The following ZNF362 variants were observed in gnomAD, a reference collection of about 807,000 sequenced individuals.
The protein encoded by ZNF362 is zinc finger protein 362, also known as rotund homolog.
ZNF362 carries 11 observed loss-of-function variants against 42.9 expected under a neutral mutation model. The ratio of observed to expected loss-of-function variants is 0.26; its 90% CI spans 0.16 to 0.42. The LOEUF (loss-of-function observed/expected upper bound fraction) is 0.42. Among genes scored for constraint, ZNF362 ranks in the 20% least tolerant of loss-of-function variants. ZNF362 has a pLI of 1.00. For synonymous variants in ZNF362, 255 were observed against 257.3 expected (o/e 0.99, Z 0.09); for missense variants, 362 against 576.2 (o/e 0.63, Z 3.81).
intron 1 of ZNF362, chr1:33,261,776 G>C (rs557285310): frequency 6.6e-6 from 1 of 152,324 alleles, no homozygotes; most frequent in Non-Finnish European, 1.5e-5. Flanking sequence ...CATTCTACCC[G>C]TTGGGGAAAC....
chr1:33,230,100 G>GA, the ZNF362 span, among the ~76,000 whole-genome samples: 1 of 151,664 alleles, frequency 6.6e-6, no homozygotes, highest in African/African-American at 2.4e-5. Flanking sequence ...GCCCTATTTT[G>GA]AAAAAAACCT....
At chr1:33,275,472 A>G in intron 2 of ZNF362, 1 of 804,562 alleles carries the variant, frequency 1.2e-6, no homozygotes, top group Non-Finnish European at 1.5e-6. Context: ...GACATTGAAC[A>G]ACCACACGTG....
chr1:33,266,817 G>A lies in ZNF362; in HGVS notation c.-88-3670G>A, dbSNP rs1645868055. Among the ~76,000 whole-genome samples, 1 of 152,188 alleles carries A rather than the reference G, an allele frequency of 6.6e-6. No individual in the cohort carries two copies. The highest frequency in any genetic ancestry group is 6.5e-5 in the Admixed American group (1 of 15,278). ...CCTTGTTCTGGGGGCCCTGATGCTG[G>A]AGGGATGCTGCCAAGGAGCACACCT... On this transcript the variant is annotated intron_variant, in intron 1 of 8. Coordinates refer to ENST00000539719, the MANE Select transcript of ZNF362 (RefSeq NM_152493.3). This position sits in a 1 kb window ranked among gnomAD's most constrained non-coding sequence, Gnocchi z 4.3.
the ZNF362 span, among the ~76,000 whole-genome samples, chr1:33,193,610 G>A: frequency 6.6e-6 from 1 of 152,184 alleles, no homozygotes; most frequent in Non-Finnish European, 1.5e-5. Context: ...GTTTATTGAG[G>A]GGTAATGCCT....
chr1:33,174,976 T>C, the ZNF362 span, among the ~76,000 whole-genome samples: 2 of 140,234 alleles, frequency 1.4e-5, no homozygotes, highest in African/African-American at 2.7e-5. Context: ...TATACACACA[T>C]ATACATATAT....
At chr1:33,189,701 A>G in the ZNF362 span, among the ~76,000 whole-genome samples, 1 of 3,060 alleles carries the variant, frequency 3.3e-4, no homozygotes, top group African/African-American at 5.9e-4. Context: ...ATATATACAC[A>G]TATATACGTA....
upstream of ZNF362, among the ~76,000 whole-genome samples, chr1:33,256,161 T>C (rs112541840): frequency 6.8e-6 from 1 of 147,286 alleles, no homozygotes; most frequent in African/African-American, 2.5e-5. Flanking sequence ...CAGCGCAACT[T>C]TGCCAGGCGG....
chr1:33,157,095 G>A, the ZNF362 span, among the ~76,000 whole-genome samples: 6 of 151,752 alleles, frequency 4.0e-5, no homozygotes, highest in South Asian at 6.3e-4. Context: ...ACCAGTTCAC[G>A]TCACTTCATG....
chr1:33,181,776 G>A, the ZNF362 span: 1 of 220,650 alleles, frequency 4.5e-6, no homozygotes, highest in Non-Finnish European at 8.9e-6. The surrounding 1 kb of genome is among the most constrained non-coding windows in gnomAD (Gnocchi z 6.5). Flanking sequence ...GGAGCTGGGA[G>A]AAGGGGATCC....
the ZNF362 span, among the ~76,000 whole-genome samples, chr1:33,242,955 A>G: frequency 6.6e-6 from 1 of 152,108 alleles, no homozygotes; most frequent in African/African-American, 2.4e-5. Flanking sequence ...AGGAACCTGG[A>G]TTGTGTCTGA....
intron 6 of ZNF362, among the ~76,000 whole-genome samples, chr1:33,290,386 C>T (rs1458792833): frequency 6.6e-6 from 1 of 151,860 alleles, no homozygotes; most frequent in Non-Finnish European, 1.5e-5. Flanking sequence ...CTACAAAGGA[C>T]ATGAACTCAT....
intron 2 of ZNF362, among the ~76,000 whole-genome samples, chr1:33,272,688 A>G (rs1193122378): frequency 6.6e-6 from 1 of 151,782 alleles, no homozygotes; most frequent in Non-Finnish European, 1.5e-5. Context: ...TGCCCTCACC[A>G]GGTCCTCAGA....
At chr1:33,293,592 CT>C (rs1477654141) in intron 6 of ZNF362, among the ~76,000 whole-genome samples, 1 of 152,170 alleles carries the variant, frequency 6.6e-6, no homozygotes, top group Non-Finnish European at 1.5e-5. Context: ...AGTGGACACC[CT>C]TTTGATAAAA....
chr1:33,138,350 G>A, the ZNF362 span, among the ~76,000 whole-genome samples: 12 of 152,206 alleles, frequency 7.9e-5, no homozygotes, highest in South Asian at 1.2e-3. Context: ...TTTGATTTAC[G>A]TAGAATAGAC....
the ZNF362 span, chr1:33,143,245 T>A: frequency 2.6e-5 from 4 of 152,198 alleles, no homozygotes; most frequent in Non-Finnish European, 5.9e-5. Flanking sequence ...GCCTCTATAG[T>A]TACTTCCACA....
the ZNF362 span, among the ~76,000 whole-genome samples, chr1:33,176,718 G>T: frequency 1.3e-5 from 2 of 152,196 alleles, no homozygotes; most frequent in Non-Finnish European, 2.9e-5. Flanking sequence ...ACGGTATGTG[G>T]CCTAGTCAGA....
At chr1:33,165,392 T>A in the ZNF362 span, 14 of 1,142,148 alleles carry the variant, frequency 1.2e-5, no homozygotes, top group Middle Eastern at 3.0e-4. The surrounding 1 kb of genome is among the most constrained non-coding windows in gnomAD (Gnocchi z 4.0). Context: ...GCCCCGCCCC[T>A]CTTCCCCAGC....
intron 1 of ZNF362, among the ~76,000 whole-genome samples, chr1:33,268,592 AG>A (rs1254829849): frequency 6.6e-6 from 1 of 152,186 alleles, no homozygotes; most frequent in East Asian, 1.9e-4. Flanking sequence ...GATTGCTTCC[AG>A]GAAGAGGTGG....
chr1:33,204,948 T>A, the ZNF362 span, among the ~76,000 whole-genome samples: 2 of 152,216 alleles, frequency 1.3e-5, no homozygotes, highest in South Asian at 4.1e-4. Flanking sequence ...TAGGGATGAA[T>A]CTACAAGATA....
Sources: gnomAD v4.1 joint callset for allele counts (sites outside exome capture counted in the v4.1 genomes callset) on GRCh38, gnomAD v4.1.1 for gene constraint, Gnocchi (gnomAD v3.1) non-coding constraint, MANE v1.5 for transcripts, NCBI Gene and HGNC (gene_info 2026-07-23, HGNC 2026-07-21) for gene names.